The following SNRNP27 variants were observed in gnomAD, a reference collection of about 807,000 sequenced individuals.
SNRNP27 encodes the protein U4/U6.U5 small nuclear ribonucleoprotein 27 kDa protein.
A neutral mutation model predicts 25.1 loss-of-function variants in SNRNP27; 22 were observed. The observed-to-expected ratio is 0.88, with a 90% CI of 0.63 to 1.25. The LOEUF is 1.25. Among genes scored for constraint, SNRNP27 ranks in the 50% most tolerant of loss-of-function variants. The pLI is 0.00. For synonymous variants in SNRNP27, 66 were observed against 64.9 expected (o/e 1.02, Z -0.08); for missense variants, 150 against 202.3 (o/e 0.74, Z 1.57).
chr2:69,894,062 G>A (rs780752913), intron 1 of SNRNP27, 44 bp downstream of exon 1: 2 of 1,546,796 alleles, frequency 1.3e-6, no homozygotes, highest in Non-Finnish European at 1.8e-6. Flanking sequence ...TCTGTTGGAG[G>A]CCTGTCCCTT....
chr2:69,902,314 CCTCCTT>C, intron 4 of SNRNP27, among the ~76,000 whole-genome samples: 1 of 151,710 alleles, frequency 6.6e-6, no homozygotes, highest in South Asian at 2.1e-4. Context: ...TCCTCCTCCT[CCTCCTT>C]CCTCTACTTC....
At position 69,904,190 on chromosome 2, in the gene SNRNP27, T is replaced by G; in HGVS notation, c.414-64T>G. The G allele has an allele frequency of 3.5e-6, 4 of 1,145,856 alleles. No individual in the cohort carries two copies. In the South Asian group the frequency reaches 4.4e-5, roughly 13 times the overall value. The allele number at this position is 1,145,856 out of a possible 1,614,324, so 71.0% of individuals were successfully genotyped here. A position where few individuals can be genotyped will look rare whatever the true frequency, so the allele number is the denominator to read the frequency against. On this transcript the variant is annotated intron_variant, in intron 5 of 5. Transcript: ENST00000244227. ...TATAGTTTTCATCTCTGATGCATGT[T>G]TTTTTTTTTATAAGAGGAGTATAGG...
In SNRNP27 at chr2:69,904,447, T is replaced by C. The variant is rs1459751767; in HGVS notation, c.*139T>C. The C allele has an allele frequency of 2.8e-6, 2 of 726,718 alleles. No homozygotes were observed. Among genetic ancestry groups the C allele is most frequent in the Non-Finnish European group, 2.4e-6 (1 of 408,974 alleles). 45.0% of individuals were successfully genotyped at this position (726,718 alleles called of 1,614,324 possible). A position where few individuals can be genotyped will look rare whatever the true frequency, so the allele number is the denominator to read the frequency against. On this transcript the variant is annotated 3_prime_UTR_variant, in exon 6 of 6. Coordinates refer to ENST00000244227, the MANE Select transcript of SNRNP27 (RefSeq NM_006857.3). ...TAAAGTAAGAAAATCTTATTTATGA[T>C]ATATGCAGTTAACTTACCTTGCCTC...
Position 69,895,219 on chromosome 2 carries a change from G to A in SNRNP27, c.155+5G>A, listed in dbSNP as rs748306160. On this transcript the variant is annotated splice_donor_5th_base_variant and intron_variant, in intron 2 of 5. Coordinates refer to ENST00000244227, the MANE Select transcript of SNRNP27 (RefSeq NM_006857.3). ...CCCGCACCGAAGACGCTCCCGGTAAGGGCAGAAAATAAGCCAAGAGTTTTA... is the reference window on the plus strand; with the variant it reads ...CCCGCACCGAAGACGCTCCCGGTAAAGGCAGAAAATAAGCCAAGAGTTTTA... The A allele has an allele frequency of 7.4e-6, 12 of 1,611,716 alleles. No homozygotes were observed. The African/African-American group carries it at 1.3e-4, about 18-fold the overall frequency.
At chr2:69,902,790 T>G (rs1014088318) in intron 4 of SNRNP27, among the ~76,000 whole-genome samples, 3 of 151,930 alleles carry the variant, frequency 2.0e-5, no homozygotes, top group Admixed American at 2.0e-4. Flanking sequence ...CTTTTCTTCT[T>G]CTGCTTTTCT....
At chr2:69,895,895 G>T (rs1194177453) in intron 2 of SNRNP27, among the ~76,000 whole-genome samples, 2 of 151,820 alleles carry the variant, frequency 1.3e-5, no homozygotes, top group East Asian at 3.8e-4. Context: ...TGGTGATAAT[G>T]ATTTATTCAA....
At chr2:69,903,846 C>T (rs1246717082) in intron 5 of SNRNP27, among the ~76,000 whole-genome samples, 1 of 152,096 alleles carries the variant, frequency 6.6e-6, no homozygotes, top group Non-Finnish European at 1.5e-5. Flanking sequence ...TGTAAAATTA[C>T]CTTCAAATAA....
At chr2:69,902,297 TC>T (rs1676714944) in intron 4 of SNRNP27, among the ~76,000 whole-genome samples, 2 of 150,552 alleles carry the variant, frequency 1.3e-5, no homozygotes, top group African/African-American at 4.9e-5. Context: ...TCCTTCCTCC[TC>T]CTTCTTCCTC....
chr2:69,899,195 C>T (rs1029911672), intron 4 of SNRNP27, among the ~76,000 whole-genome samples: 5 of 152,158 alleles, frequency 3.3e-5, no homozygotes, highest in Non-Finnish European at 7.3e-5. Flanking sequence ...AGTACCATCA[C>T]ACTAATTGAT....
chr2:69,896,912 G>A (rs916075353), intron 3 of SNRNP27, among the ~76,000 whole-genome samples: 30 of 152,202 alleles, frequency 2.0e-4, no homozygotes, highest in African/African-American at 7.0e-4. Flanking sequence ...GACCTCAGGT[G>A]ATCCTCCCGC....
chr2:69,900,533 C>T (rs1676675638), intron 4 of SNRNP27, among the ~76,000 whole-genome samples: 2 of 152,306 alleles, frequency 1.3e-5, no homozygotes, highest in South Asian at 4.1e-4. Flanking sequence ...AGACCAAATA[C>T]ATTTATTTTA....
At chr2:69,896,133 T>C (rs1676595913) in intron 2 of SNRNP27, among the ~76,000 whole-genome samples, 1 of 152,180 alleles carries the variant, frequency 6.6e-6, no homozygotes, top group Non-Finnish European at 1.5e-5. Context: ...TAACCATCAA[T>C]TGCTGTTTAA....
Position 69,904,495 on chromosome 2 carries a change from AC to A in SNRNP27, c.*188del. On this transcript the variant is annotated 3_prime_UTR_variant, in exon 6 of 6. Coordinates refer to ENST00000244227, the MANE Select transcript of SNRNP27 (RefSeq NM_006857.3). ...CTCAACAGAAGAAAGGTTAAATATTACATTTTTTTCTTTTAGGAAATATCAT... is the reference window on the plus strand; with the variant it reads ...CTCAACAGAAGAAAGGTTAAATATTAATTTTTTTCTTTTAGGAAATATCAT... The A allele has an allele frequency of 3.1e-6, 2 of 640,052 alleles. No individual in the cohort carries two copies. The highest frequency in any genetic ancestry group is 5.5e-6 in the Non-Finnish European group (2 of 361,358). The allele number at this position is 640,052 out of a possible 1,614,324, so 39.6% of individuals were successfully genotyped here. A position where few individuals can be genotyped will look rare whatever the true frequency, so the allele number is the denominator to read the frequency against.
chr2:69,900,100 G>C (rs1245684114), intron 4 of SNRNP27, among the ~76,000 whole-genome samples: 4 of 152,000 alleles, frequency 2.6e-5, no homozygotes, highest in Admixed American at 1.3e-4. Flanking sequence ...TGGGACTGTA[G>C]CCTCACAGCA....
intron 5 of SNRNP27, chr2:69,903,523 A>C (rs1676745297): frequency 2.9e-6 from 1 of 340,402 alleles, no homozygotes; most frequent in African/African-American, 2.1e-5. Context: ...ATGGGCTTTG[A>C]TTTCATTATA....
intron 2 of SNRNP27, among the ~76,000 whole-genome samples, chr2:69,895,566 G>A (rs1418525336): frequency 6.6e-6 from 1 of 151,074 alleles, no homozygotes; most frequent in Non-Finnish European, 1.5e-5. Flanking sequence ...TTTTTGAGAC[G>A]GAGTCTCGCT....
rs1358230382 is a variant in SNRNP27, at chr2:69,896,448, A to T, written c.168A>T (p.Arg56=). 3.1e-6 allele frequency: 5 copies of T among 1,612,010 alleles called. No individual in the cohort carries two copies. The highest frequency in any genetic ancestry group is 8.5e-7 in the Non-Finnish European group (1 of 1,179,064). Residue 56 remains arginine (R), a synonymous_variant, in exon 3 of 6, where the codon CGA becomes CGT. Coordinates refer to ENST00000244227, the MANE Select transcript of SNRNP27 (RefSeq NM_006857.3). ...PHRRRSRSPR[R]HRSTSPSPSR... ...TTATAAATATTAGATCTCCAAGACG[A>T]CATAGATCCACATCTCCTTCCCCTT...
chr2:69,900,546 C>G (rs150700497), intron 4 of SNRNP27, among the ~76,000 whole-genome samples: 1 of 152,276 alleles, frequency 6.6e-6, no homozygotes, highest in South Asian at 2.1e-4. Flanking sequence ...TTATTTTAGC[C>G]CCACTTCAAA....
At position 69,897,712 on chromosome 2, in the gene SNRNP27, A is replaced by C. The variant is rs1676629278; in HGVS notation, c.348+256A>C. On this transcript the variant is annotated intron_variant, in intron 4 of 5. Transcript: ENST00000244227. ...CAAAGAAGAGGAAGAAGATTATTTC[A>C]GGTAGAGGGAAGAGCTCATGAAAAT... 1.8e-5 allele frequency: 7 copies of C among 392,628 alleles called. No homozygotes were observed. In the South Asian group the frequency reaches 2.1e-4, roughly 12 times the overall value. 24.3% of individuals were successfully genotyped at this position (392,628 alleles called of 1,614,324 possible). A position where few individuals can be genotyped will look rare whatever the true frequency, so the allele number is the denominator to read the frequency against.
Sources: gnomAD v4.1 joint callset for allele counts (sites outside exome capture counted in the v4.1 genomes callset) on GRCh38, gnomAD v4.1.1 for gene constraint, MANE v1.5 for transcripts, NCBI Gene and HGNC (gene_info 2026-07-23, HGNC 2026-07-21) for gene names.